The following NIPBL variants were observed in gnomAD, a reference collection of about 807,000 sequenced individuals.
NIPBL encodes the protein NIPBL cohesin loading factor, also known as nipped-B-like protein.
A neutral mutation model predicts 321.8 loss-of-function variants in NIPBL; 19 were observed. That is an observed-to-expected ratio of 0.06 (90% CI 0.04 to 0.09). NIPBL has a LOEUF of 0.09. Among genes scored for constraint, NIPBL ranks in the 10% least tolerant of loss-of-function variants. NIPBL has a pLI of 1.00. For missense variants in NIPBL, 2,210 were observed against 3,327.0 expected (o/e 0.66, Z 8.26); for synonymous variants, 1,106 against 1,114.1 (o/e 0.99, Z 0.14).
At position 37,056,967 on chromosome 5, in the gene NIPBL, C is replaced by T. The variant is rs193059073; in HGVS notation, c.7264-219C>T. Among the ~76,000 whole-genome samples, 14 of 151,724 alleles carry T rather than the reference C, an allele frequency of 9.2e-5. No homozygotes were observed. The East Asian group carries it at 1.5e-3, about 17-fold the overall frequency. ...TGTTCCCCCTTTTCCCTTTTTGTTA[C>T]ACCTGTCTCCCTTTCCCTTTTTCCC... On this transcript the variant is annotated intron_variant, in intron 42 of 46. Coordinates refer to ENST00000282516, the MANE Select transcript of NIPBL (RefSeq NM_133433.4).
intron 35 of NIPBL, 69 bp from the exon 36 acceptor site, chr5:37,044,567 T>C (rs1383600920): frequency 4.4e-6 from 7 of 1,576,978 alleles, no homozygotes; most frequent in Non-Finnish European, 6.1e-6. Context: ...AAGCAAATAT[T>C]TGTAAAAAGC....
chr5:37,028,282 C>T (rs1031824016), intron 32 of NIPBL, among the ~76,000 whole-genome samples: 4 of 151,540 alleles, frequency 2.6e-5, no homozygotes, highest in Admixed American at 2.6e-4. Context: ...GCTATCCTTC[C>T]CCTATCTGGT....
rs1742897027 is a variant in NIPBL at position 36,971,985 on chromosome 5, C to T, written c.812C>T (p.Pro271Leu). 1 of 1,613,360 alleles carries T rather than the reference C, an allele frequency of 6.2e-7. No homozygotes were observed. The highest frequency in any genetic ancestry group is 8.5e-7 in the Non-Finnish European group (1 of 1,179,598). The change falls in exon 8 of 47, where the codon CCC (proline) becomes CTC (leucine). Residue 271 changes from proline to leucine, a missense_variant. By Grantham distance (98) the Pro-to-Leu change is moderately conservative (BLOSUM62 -3). Around this residue, in one of 14 missense-constraint regions of NIPBL, gnomAD observed 464 missense variants for 529.5 expected, o/e 0.88. Transcript: ENST00000282516. ...ACAATGAGGAATGCTGCATCTTTTCCCTTGAGATCTCCACAGCCAGTATGC... is the reference window on the plus strand; with the variant it reads ...ACAATGAGGAATGCTGCATCTTTTCTCTTGAGATCTCCACAGCCAGTATGC... ...SSTMRNAASF[P>L]LRSPQPVCSP...
Position 37,043,758 on chromosome 5 carries a change from A to G in NIPBL, c.6109-589A>G, listed in dbSNP as rs1464940307. ...TTCTACATGTTTATCTGTCATAGAA[A>G]ATTTTAACACAGGGTTTCTCAACCT... On this transcript the variant is annotated intron_variant, in intron 34 of 46. Coordinates refer to ENST00000282516, the MANE Select transcript of NIPBL (RefSeq NM_133433.4). Among the ~76,000 whole-genome samples, 3 of 152,280 alleles carry G rather than the reference A, an allele frequency of 2.0e-5. No homozygotes were observed. In the East Asian group the frequency reaches 5.8e-4, roughly 29 times the overall value.
intron 10 of NIPBL, among the ~76,000 whole-genome samples, chr5:36,991,536 T>C (rs1745515141): frequency 6.6e-6 from 1 of 152,128 alleles, no homozygotes; most frequent in South Asian, 2.1e-4. Context: ...GAAAGAATCA[T>C]TTGATCCCTG....
At chr5:37,016,574 A>G (rs1288682146) in intron 23 of NIPBL, among the ~76,000 whole-genome samples, 1 of 152,178 alleles carries the variant, frequency 6.6e-6, no homozygotes, top group African/African-American at 2.4e-5. Flanking sequence ...GGTAAATGCA[A>G]AGAAATGTTG....
At position 37,052,586 on chromosome 5, in the gene NIPBL, A is replaced by T; in HGVS notation, c.7263+20A>T. The T allele has an allele frequency of 6.3e-7, 1 of 1,592,470 alleles. No homozygotes were observed. The highest frequency in any genetic ancestry group is 8.6e-7 in the Non-Finnish European group (1 of 1,160,828). The stretch of plus-strand genomic sequence containing the variant: ...ACAGCAGTAAGCACAAAAACTTATT[A>T]TTTTAAGAAAATAAGTGCTCTAGAA... On this transcript the variant is annotated intron_variant, in intron 42 of 46. Coordinates refer to ENST00000282516, the MANE Select transcript of NIPBL (RefSeq NM_133433.4).
chr5:37,029,950 A>G (rs1451273887), intron 32 of NIPBL, among the ~76,000 whole-genome samples: 1 of 152,174 alleles, frequency 6.6e-6, no homozygotes, highest in South Asian at 2.1e-4. Context: ...ACCTTAGTTA[A>G]GTTTATGTCA....
chr5:37,008,882 G>A (rs1021090319), intron 20 of NIPBL, among the ~76,000 whole-genome samples, 159 bp downstream of exon 20: 1 of 152,162 alleles, frequency 6.6e-6, no homozygotes, highest in Non-Finnish European at 1.5e-5. Context: ...AAATAACATG[G>A]CATATTTAGG....
intron 1 of NIPBL, among the ~76,000 whole-genome samples, chr5:36,947,667 A>C (rs1210640485): frequency 6.6e-6 from 1 of 152,042 alleles, no homozygotes; most frequent in Non-Finnish European, 1.5e-5. Context: ...ATATAGCAGC[A>C]ACAGGAGACT....
chr5:36,971,069 T>C (rs1234449396), intron 7 of NIPBL, 33 bp downstream of exon 7: 1 of 1,570,186 alleles, frequency 6.4e-7, no homozygotes, highest in Non-Finnish European at 8.8e-7. Context: ...GGTGATAAAA[T>C]AGTTCTAATA....
intron 43 of NIPBL, among the ~76,000 whole-genome samples, chr5:37,058,354 A>C (rs533405367): frequency 7.2e-5 from 11 of 152,168 alleles, no homozygotes; most frequent in East Asian, 1.9e-4. Context: ...AATGTGCCCC[A>C]CACACACACA....
intron 9 of NIPBL, among the ~76,000 whole-genome samples, chr5:36,982,608 T>C (rs150394681): frequency 6.6e-6 from 1 of 152,012 alleles, no homozygotes; most frequent in East Asian, 1.9e-4. Context: ...TTTTTTATTA[T>C]AAATAATCAT....
chr5:37,051,815 G>C lies in NIPBL; in HGVS notation c.6991G>C (p.Glu2331Gln), dbSNP rs774483696. Residue 2331 changes from glutamate to glutamine, a missense_variant, in exon 41 of 47, where the codon GAA becomes CAA. Coordinates refer to ENST00000282516, the MANE Select transcript of NIPBL (RefSeq NM_133433.4). Reference sequence around the variant, plus strand: ...TTTAATTGCTATGGGCACAGACCCAGAACCTGCTATGCGGAACAAGGCTGA... The same window carrying C: ...TTTAATTGCTATGGGCACAGACCCACAACCTGCTATGCGGAACAAGGCTGA... ...PYLIAMGTDPEPAMRNKADQQ... is the reference protein window; with the variant it reads ...PYLIAMGTDPQPAMRNKADQQ... 8.7e-6 allele frequency: 14 copies of C among 1,613,674 alleles called. No individual in the cohort carries two copies. Among genetic ancestry groups the C allele is most frequent in the Non-Finnish European group, 1.2e-5 (14 of 1,179,918 alleles).
At chr5:37,048,188 G>T (rs966521161) in intron 38 of NIPBL, among the ~76,000 whole-genome samples, 1 of 152,032 alleles carries the variant, frequency 6.6e-6, no homozygotes, top group Non-Finnish European at 1.5e-5. Context: ...CAAGTCAGTG[G>T]TGGAGCCAGG....
At position 36,986,244 on chromosome 5, in the gene NIPBL, G is replaced by A. The variant is rs1293026905; in HGVS notation, c.3064G>A (p.Asp1022Asn). 4.5e-6 allele frequency: 7 copies of A among 1,563,056 alleles called. No individual in the cohort carries two copies. Among genetic ancestry groups the A allele is most frequent in the East Asian group, 4.5e-5 (2 of 44,640 alleles). The change falls in exon 10 of 47, where the codon GAC (aspartate) becomes AAC (asparagine). Residue 1022 changes from aspartate (D) to asparagine (N), a missense_variant. Transcript: ENST00000282516. Reference sequence around the variant, plus strand: ...TCAGAAACTTATTAAAGATAGAGAGGACAAATCAAGAAGTTCCCTTAAACC... The same window carrying A: ...TCAGAAACTTATTAAAGATAGAGAGAACAAATCAAGAAGTTCCCTTAAACC... ...DVQKLIKDRE[D>N]KSRSSLKPIK...
chr5:36,924,702 A>C (rs1355163376), intron 1 of NIPBL, among the ~76,000 whole-genome samples: 2 of 152,244 alleles, frequency 1.3e-5, no homozygotes, highest in Middle Eastern at 3.2e-3. Flanking sequence ...TACATAGCTG[A>C]CACTAACTGC....
At chr5:37,044,188 T>TC (rs1752741386) in intron 34 of NIPBL, among the ~76,000 whole-genome samples, 159 bp from the exon 35 acceptor site, 1 of 152,088 alleles carries the variant, frequency 6.6e-6, no homozygotes. Context: ...TGCTGGTGCT[T>TC]CTCCTTCCAT....
At chr5:36,877,920 G>A (rs1197118998) in intron 1 of NIPBL, among the ~76,000 whole-genome samples, 2 of 152,144 alleles carry the variant, frequency 1.3e-5, no homozygotes, top group Admixed American at 6.5e-5. Context: ...ACAGTGTGTT[G>A]TTGCACATGG....
Sources: allele counts gnomAD v4.1 joint callset (sites outside exome capture counted in the v4.1 genomes callset), GRCh38; gene constraint gnomAD v4.1.1; regional missense constraint gnomAD v4.1.1; transcripts MANE v1.5; gene names NCBI Gene and HGNC (gene_info 2026-07-23, HGNC 2026-07-21).